Variants in CACNA1C observed in about 807,000 individuals in gnomAD.
The protein encoded by CACNA1C is voltage-dependent L-type calcium channel subunit alpha-1C.
In CACNA1C, 30 loss-of-function variants were observed where a neutral mutation model predicts 229.0. The ratio of observed to expected loss-of-function variants is 0.13; its 90% CI spans 0.10 to 0.18. The LOEUF is 0.18. Ranked by LOEUF, CACNA1C falls within the 10% of genes least tolerant of loss-of-function variation. The pLI is 1.00. For missense variants in CACNA1C, 1,658 were observed against 2,845.0 expected (o/e 0.58, Z 9.49); for synonymous variants, 1,114 against 1,132.5 (o/e 0.98, Z 0.33).
intron 6 of CACNA1C, among the ~76,000 whole-genome samples, chr12:2,492,615 G>A (rs948754237): frequency 1.3e-5 from 2 of 152,168 alleles, no homozygotes; most frequent in African/African-American, 2.4e-5. Context: ...TCACTGTAAA[G>A]TGACTTGCGT....
At chr12:2,389,923 CAG>C (rs2098455863) in intron 3 of CACNA1C, among the ~76,000 whole-genome samples, 2 of 152,196 alleles carry the variant, frequency 1.3e-5, no homozygotes, top group Admixed American at 6.5e-5. Context: ...TCTCATTTGT[CAG>C]AGTGCACAGG....
Position 2,354,297 on chromosome 12 carries a change from A to G in CACNA1C, c.478-94679A>G, listed in dbSNP as rs1383594781. Among the ~76,000 whole-genome samples, 1 of 152,188 alleles carries G rather than the reference A, an allele frequency of 6.6e-6. No individual in the cohort carries two copies. The highest frequency in any genetic ancestry group is 1.9e-4 in the East Asian group (1 of 5,180). The stretch of plus-strand genomic sequence containing the variant: ...TCACAGAAGCCCTGCAGAGCAGGAA[A>G]CACAGAGCAGAAAGCCACGCACACA... On this transcript the variant is annotated intron_variant, in intron 3 of 46. Transcript: ENST00000399655. The surrounding 1 kb of genome is among the most constrained non-coding windows in gnomAD (Gnocchi z 4.6).
intron 1 of CACNA1C, among the ~76,000 whole-genome samples, chr12:2,014,672 T>C (rs559343129): frequency 6.6e-6 from 1 of 152,310 alleles, no homozygotes; most frequent in African/African-American, 2.4e-5. Flanking sequence ...AATTGCCAAG[T>C]GTATCGACCT....
chr12:2,198,887 ATATGT>A (rs2097501848), intron 3 of CACNA1C, among the ~76,000 whole-genome samples: 1 of 152,090 alleles, frequency 6.6e-6, no homozygotes, highest in Non-Finnish European at 1.5e-5. Flanking sequence ...TTTCTTAATC[ATATGT>A]TATGGTTTAT....
intron 3 of CACNA1C, among the ~76,000 whole-genome samples, chr12:2,436,018 G>GA (rs1171067536): frequency 6.6e-6 from 1 of 152,208 alleles, no homozygotes; most frequent in African/African-American, 2.4e-5. Flanking sequence ...CTGGCTGTGA[G>GA]AGCTTCCCAG....
At chr12:2,518,837 C>A (rs2099803811) in intron 9 of CACNA1C, among the ~76,000 whole-genome samples, 1 of 152,188 alleles carries the variant, frequency 6.6e-6, no homozygotes, top group Non-Finnish European at 1.5e-5. Flanking sequence ...ATCCTTAAGG[C>A]AGAGCCTGGA....
chr12:2,267,060 T>G (rs2082656573), intron 3 of CACNA1C, among the ~76,000 whole-genome samples: 1 of 152,238 alleles, frequency 6.6e-6, no homozygotes, highest in Non-Finnish European at 1.5e-5. Context: ...CACACATTAC[T>G]TCACGTGGAC....
rs181002835 is a variant in CACNA1C, at chr12:2,149,216, A to G, written c.477+28786A>G. The stretch of plus-strand genomic sequence containing the variant: ...GCTATGACCTATCTTGGGGTTTTGC[A>G]TTTTGTTCTTGTGACCCTGTGGAAA... On this transcript the variant is annotated intron_variant, in intron 3 of 46. Coordinates refer to ENST00000399655, the MANE Select transcript of CACNA1C (RefSeq NM_000719.7). Among the ~76,000 whole-genome samples, 999 of 152,236 alleles carry G rather than the reference A, an allele frequency of 6.6e-3. 7 individuals carry two copies. The highest frequency in any genetic ancestry group is 0.027 in the Middle Eastern group (8 of 294).
intron 13 of CACNA1C, among the ~76,000 whole-genome samples, chr12:2,572,718 C>G (rs1178593372): frequency 7.8e-6 from 1 of 128,654 alleles, no homozygotes; most frequent in Admixed American, 8.1e-5. Context: ...CCTCCTCTTC[C>G]TCCTCCTCTT....
In CACNA1C at chr12:2,653,703, T is replaced by C. The variant is rs926004654; in HGVS notation, c.4075-132T>C. On this transcript the variant is annotated intron_variant, in intron 32 of 46. Transcript: ENST00000399655. The surrounding 1 kb of genome is among the most constrained non-coding windows in gnomAD (Gnocchi z 4.7). ...GGTTCCCCGTAGTCCTGTGGGACTCTTGGAAGTGTCCCCCGGCCCAAACCG... is the reference window on the plus strand; with the variant it reads ...GGTTCCCCGTAGTCCTGTGGGACTCCTGGAAGTGTCCCCCGGCCCAAACCG... The C allele has an allele frequency of 2.7e-6, 2 of 729,250 alleles. No individual in the cohort carries two copies. The highest frequency in any genetic ancestry group is 4.1e-5 in the Admixed American group (2 of 48,590). The allele number at this position is 729,250 out of a possible 1,614,324, so 45.2% of individuals were successfully genotyped here.
intron 1 of CACNA1C, among the ~76,000 whole-genome samples, chr12:2,109,903 T>C (rs1334557468): frequency 6.6e-6 from 1 of 152,218 alleles, no homozygotes; most frequent in Non-Finnish European, 1.5e-5. Flanking sequence ...GTGGCTGGAC[T>C]GACTCCAGCA....
At chr12:2,280,843 T>G (rs1043711780) in intron 3 of CACNA1C, among the ~76,000 whole-genome samples, 1 of 152,256 alleles carries the variant, frequency 6.6e-6, no homozygotes, top group African/African-American at 2.4e-5. Flanking sequence ...TCCCTCTTTT[T>G]CTGCCTCCTT....
chr12:2,324,956 C>T (rs2096222639), intron 3 of CACNA1C, among the ~76,000 whole-genome samples: 1 of 152,154 alleles, frequency 6.6e-6, no homozygotes, highest in African/African-American at 2.4e-5. Context: ...GAATTACTGT[C>T]CATTTCCACA....
chr12:2,560,747 A>T (rs1439556160), intron 11 of CACNA1C, among the ~76,000 whole-genome samples: 2 of 151,864 alleles, frequency 1.3e-5, no homozygotes, highest in Non-Finnish European at 2.9e-5. Context: ...ACAAGGCACA[A>T]ATCCAAATTT....
chr12:2,482,122 T>TGGC (rs1398197227), intron 5 of CACNA1C, among the ~76,000 whole-genome samples: 1 of 152,248 alleles, frequency 6.6e-6, no homozygotes, highest in Non-Finnish European at 1.5e-5. Context: ...GGAGGATGTC[T>TGGC]GGCCGCACGC....
intron 3 of CACNA1C, among the ~76,000 whole-genome samples, chr12:2,295,958 T>C (rs888808639): frequency 3.9e-5 from 6 of 152,234 alleles, no homozygotes; most frequent in African/African-American, 1.4e-4. Context: ...ATCCCTGTGA[T>C]TGGGTTTTGC....
intron 3 of CACNA1C, among the ~76,000 whole-genome samples, chr12:2,128,711 A>G (rs558809665): frequency 1.3e-5 from 2 of 152,290 alleles, no homozygotes; most frequent in South Asian, 4.1e-4. Context: ...GCGCCCGGCC[A>G]GGTAAATACA....
chr12:2,257,182 G>A (rs1039082128), intron 3 of CACNA1C, among the ~76,000 whole-genome samples: 8 of 152,106 alleles, frequency 5.3e-5, no homozygotes, highest in South Asian at 2.1e-4. Flanking sequence ...GTCCAGGCCC[G>A]GAAGTTGTGA....
chr12:2,641,419 G>A (rs2093678202), intron 30 of CACNA1C: 2 of 373,276 alleles, frequency 5.4e-6, no homozygotes, highest in Non-Finnish European at 9.8e-6. Context: ...GGTGTGGCCT[G>A]AGCTGGTTCT....
Sources: gnomAD v4.1 joint callset for allele counts (sites outside exome capture counted in the v4.1 genomes callset) on GRCh38, gnomAD v4.1.1 for gene constraint, Gnocchi (gnomAD v3.1) non-coding constraint, MANE v1.5 for transcripts, NCBI Gene and HGNC (gene_info 2026-07-23, HGNC 2026-07-21) for gene names.